The following CCDC13 variants were observed in gnomAD, a reference collection of about 807,000 sequenced individuals.
CCDC13 encodes the protein coiled-coil domain containing 13.
A neutral mutation model predicts 87.3 loss-of-function variants in CCDC13; 70 were observed. The observed-to-expected ratio is 0.80, with a 90% CI of 0.66 to 0.98. CCDC13 has a LOEUF of 0.98. CCDC13 is among the 50% of genes least tolerant of loss of function. The probability of loss-of-function intolerance (pLI) is 0.00; values close to 1 mark genes in which losing one functional copy is unlikely to be tolerated. For synonymous variants in CCDC13, 317 were observed against 360.3 expected (o/e 0.88, Z 1.36); for missense variants, 842 against 892.0 (o/e 0.94, Z 0.71).
chr3:42,752,022 G>T lies in CCDC13; in HGVS notation c.517C>A (p.Gln173Lys). ...GCTGACAGCCTGGTCAGGGCTGTCT[G>T]CAGCTGAAAAAGCAAACCTCGTGCT... Reference protein sequence around the residue: ...NRIQELERELQTALTRLSAKG... With the variant: ...NRIQELERELKTALTRLSAKG... The change falls in exon 5 of 16, where the codon CAG becomes AAG. Residue 173 changes from glutamine to lysine, a missense_variant. Coordinates refer to ENST00000310232, the MANE Select transcript of CCDC13 (RefSeq NM_144719.4). 6.2e-7 allele frequency: 1 copy of T among 1,605,396 alleles called. No homozygotes were observed.
chr3:42,767,974 C>CA (rs1186547884), intron 1 of CCDC13, among the ~76,000 whole-genome samples: 1,396 of 120,480 alleles, frequency 0.012, 22 homozygotes, highest in African/African-American at 0.038. Flanking sequence ...AACTCCATCT[C>CA]AAAAAAAAAA....
Position 42,709,689 on chromosome 3 carries a change from T to G in CCDC13, c.1983A>C (p.Thr661=). Residue 661 remains threonine (T), a synonymous_variant, in exon 15 of 16, where the codon ACA becomes ACC. Coordinates refer to ENST00000310232, the MANE Select transcript of CCDC13 (RefSeq NM_144719.4). Reference sequence around the variant, plus strand: ...AAGGCGGGGCAGGGGAGCACCTGGTTGTCAGCTCTTCCATTTGGGATTCCA... The same window carrying G: ...AAGGCGGGGCAGGGGAGCACCTGGTGGTCAGCTCTTCCATTTGGGATTCCA... The part of the protein sequence containing the change: ...VPVESQMEEL[T]TRLAIQVEEN... 1.9e-6 allele frequency: 3 copies of G among 1,613,712 alleles called. No homozygotes were observed. The highest frequency in any genetic ancestry group is 2.5e-6 in the Non-Finnish European group (3 of 1,179,622).
intron 13 of CCDC13, chr3:42,713,970 G>A (rs1028214772): frequency 2.6e-5 from 4 of 152,222 alleles, no homozygotes; most frequent in African/African-American, 7.2e-5. Flanking sequence ...CCACTTTCAG[G>A]CCCATTCAGA....
intron 14 of CCDC13, among the ~76,000 whole-genome samples, chr3:42,712,055 C>A (rs140925174): frequency 8.8e-4 from 134 of 152,256 alleles, no homozygotes; most frequent in African/African-American, 3.1e-3. Flanking sequence ...CTCAGAAGCT[C>A]CTGGCCCTGC....
Position 42,709,009 on chromosome 3 carries a change from G to C in CCDC13, c.2119C>G (p.Leu707Val), listed in dbSNP as rs746348067. 30 of 1,613,406 alleles carry C rather than the reference G, an allele frequency of 1.9e-5. No homozygotes were observed. Among genetic ancestry groups the C allele is most frequent in the Non-Finnish European group, 2.3e-5 (27 of 1,179,636 alleles). ...GQVKSVFLQA[L>V]RQQKTGKQ ...TGCTTGCCTGTCTTCTGCTGCCGCA[G>C]GGCCTGCAGGAAGACACTTTTCACC... Residue 707 changes from leucine (L) to valine (V), a missense_variant, in exon 16 of 16, where the codon CTG (leucine) becomes GTG (valine). Leu to Val is a conservative substitution (Grantham distance 32). Coordinates refer to ENST00000310232, the MANE Select transcript of CCDC13 (RefSeq NM_144719.4).
intron 14 of CCDC13, among the ~76,000 whole-genome samples, chr3:42,712,570 C>T (rs1034178200): frequency 2.6e-5 from 4 of 152,204 alleles, no homozygotes; most frequent in Admixed American, 1.3e-4. Flanking sequence ...CATATGCAAC[C>T]GTAAAAGGTA....
At chr3:42,740,114 C>T (rs777542463) in intron 8 of CCDC13, among the ~76,000 whole-genome samples, 3 of 152,170 alleles carry the variant, frequency 2.0e-5, no homozygotes, top group Non-Finnish European at 2.9e-5. Context: ...CAGCCAACTG[C>T]GTGTGTCCTC....
intron 1 of CCDC13, among the ~76,000 whole-genome samples, chr3:42,759,517 G>A (rs920724015): frequency 6.6e-6 from 1 of 152,086 alleles, no homozygotes; most frequent in East Asian, 1.9e-4. Context: ...TGCCTTTTCT[G>A]GAATTTCATA....
chr3:42,720,022 T>C (rs1698524271), intron 13 of CCDC13, among the ~76,000 whole-genome samples: 1 of 152,226 alleles, frequency 6.6e-6, no homozygotes, highest in Admixed American at 6.5e-5. Context: ...GTCTAAATTA[T>C]GCAGGTCAGA....
intron 13 of CCDC13, among the ~76,000 whole-genome samples, chr3:42,727,855 T>C (rs1293380527): frequency 6.6e-6 from 1 of 151,988 alleles, no homozygotes; most frequent in African/African-American, 2.4e-5. Flanking sequence ...TAAAACTTGA[T>C]CAGTCCAATA....
chr3:42,770,440 C>G (rs1175586909), intron 1 of CCDC13, among the ~76,000 whole-genome samples: 1 of 152,168 alleles, frequency 6.6e-6, no homozygotes, highest in Non-Finnish European at 1.5e-5. Context: ...ACTTTTGTGT[C>G]TAGCTCAGCA....
At chr3:42,734,743 G>C (rs952874022) in intron 10 of CCDC13, among the ~76,000 whole-genome samples, 3 of 152,328 alleles carry the variant, frequency 2.0e-5, no homozygotes, top group South Asian at 2.1e-4. Context: ...AGGCTGCAAG[G>C]CTCCTTTGTC....
intron 7 of CCDC13, among the ~76,000 whole-genome samples, chr3:42,744,553 C>A (rs1363172779): frequency 1.3e-5 from 2 of 152,086 alleles, no homozygotes; most frequent in Admixed American, 6.5e-5. Context: ...TGCCTGTAAT[C>A]CCAGCACTTT....
At position 42,709,730 on chromosome 3, in the gene CCDC13, G is replaced by T. The variant is rs776708648; in HGVS notation, c.1942C>A (p.Leu648Ile). The change falls in exon 15 of 16, where the codon CTC becomes ATC. Residue 648 changes from leucine to isoleucine, a missense_variant. Transcript: ENST00000310232. ...SEKKDPSFAQ[L>I]SDVPVESQME... is the part of the protein sequence containing the mutation. ...TGGGATTCCACGGGCACATCGGAGA[G>T]CTGGGCAAAGGATGGGTCCTTCTTC... The T allele has an allele frequency of 8.7e-6, 14 of 1,614,088 alleles. No individual in the cohort carries two copies. The African/African-American group carries it at 1.9e-4, about 22-fold the overall frequency.
At chr3:42,749,062 C>CT (rs1266747194) in intron 5 of CCDC13, among the ~76,000 whole-genome samples, 2 of 151,916 alleles carry the variant, frequency 1.3e-5, no homozygotes, top group South Asian at 2.1e-4. Flanking sequence ...CCCGGCCATC[C>CT]TTTTTTTTAA....
chr3:42,730,614 G>A (rs201866897), intron 12 of CCDC13, 25 bp from the exon 13 acceptor site: 145 of 1,610,838 alleles, frequency 9.0e-5, no homozygotes, highest in Non-Finnish European at 1.1e-4. Flanking sequence ...GAGGGCAGAG[G>A]GCAGAGGTCA....
chr3:42,756,040 A>G (rs1699697593), intron 3 of CCDC13, among the ~76,000 whole-genome samples: 1 of 152,222 alleles, frequency 6.6e-6, no homozygotes, highest in Non-Finnish European at 1.5e-5. Flanking sequence ...TTAGGCTACC[A>G]TGAGTCTTTA....
At chr3:42,745,442 T>G (rs1699366162) in intron 7 of CCDC13, 1 of 153,928 alleles carries the variant, frequency 6.5e-6, no homozygotes, top group Admixed American at 6.4e-5. Flanking sequence ...GATTTGAATC[T>G]GAGCAGTGTG....
intron 13 of CCDC13, among the ~76,000 whole-genome samples, chr3:42,722,673 G>A (rs62250120): frequency 0.059 from 9,025 of 152,210 alleles, 397 homozygotes; most frequent in Non-Finnish European, 0.094. Context: ...CTAGAAAGGG[G>A]AGGCATGAAT....
Sources: gnomAD v4.1 joint callset for allele counts (sites outside exome capture counted in the v4.1 genomes callset) on GRCh38, gnomAD v4.1.1 for gene constraint, MANE v1.5 for transcripts, NCBI Gene and HGNC (gene_info 2026-07-23, HGNC 2026-07-21) for gene names.